Variants in MRAS observed in about 807,000 individuals in gnomAD.
The protein encoded by MRAS is muscle RAS oncogene homolog.
A neutral mutation model predicts 20.9 loss-of-function variants in MRAS; 4 were observed. The observed-to-expected ratio is 0.19, with a 90% CI of 0.09 to 0.44. The LOEUF is 0.44. Ranked by LOEUF, MRAS falls within the 20% of genes least tolerant of loss-of-function variation. MRAS has a pLI of 0.99. For synonymous variants in MRAS, 98 were observed against 102.9 expected (o/e 0.95, Z 0.29); for missense variants, 154 against 277.5 (o/e 0.56, Z 3.16).
chr3:138,351,932 T>C (rs982354433), intron 1 of MRAS, among the ~76,000 whole-genome samples: 2 of 152,218 alleles, frequency 1.3e-5, no homozygotes, highest in South Asian at 4.1e-4. Context: ...AGTTTAGCCA[T>C]CTCTGATCTA....
chr3:138,360,929 A>G (rs1011001820), intron 1 of MRAS, among the ~76,000 whole-genome samples: 18 of 152,214 alleles, frequency 1.2e-4, no homozygotes, highest in African/African-American at 3.9e-4. Flanking sequence ...GAAGAGGGGC[A>G]TGCCGAGCTT....
chr3:138,348,936 C>G, intron 1 of MRAS, 169 bp downstream of exon 1: 1 of 152,142 alleles, frequency 6.6e-6, no homozygotes, highest in Non-Finnish European at 1.5e-5. Context: ...TTGCCCCCAT[C>G]GCGGGCTCCC....
At chr3:138,386,754 ATTACAGG>A (rs1175498670) in intron 2 of MRAS, among the ~76,000 whole-genome samples, 1 of 152,190 alleles carries the variant, frequency 6.6e-6, no homozygotes, top group African/African-American at 2.4e-5. Context: ...AAGTGCTGGG[ATTACAGG>A]CGTGAGCCAC....
rs554513790 is a variant in MRAS, at chr3:138,396,827, C to A, written c.194-497C>A. On this transcript the variant is annotated intron_variant, in intron 2 of 5. Transcript: ENST00000423968. ...AGATGGCCTCTTCAGGGCTTCCCCC[C>A]AGGCATGTCCACAAATAAGCTCTTC... 9.9e-5 allele frequency among the ~76,000 whole-genome samples: 15 copies of A among 152,214 alleles called. No individual in the cohort carries two copies. The South Asian group carries it at 1.7e-3, about 17-fold the overall frequency.
In MRAS at chr3:138,353,206, T is replaced by G. The variant is rs553399847; in HGVS notation, c.-19+4439T>G. The stretch of plus-strand genomic sequence containing the variant: ...TACAGGCATCAGAACAAACTGGGAG[T>G]TTTTTAATGGATATTTTGCCCAGAT... On this transcript the variant is annotated intron_variant, in intron 1 of 5. Coordinates refer to ENST00000423968, the MANE Select transcript of MRAS (RefSeq NM_001085049.3). Among the ~76,000 whole-genome samples the G allele has an allele frequency of 7.9e-5, 12 of 151,676 alleles. No homozygotes were observed. The East Asian group carries it at 2.3e-3, about 29-fold the overall frequency.
intron 2 of MRAS, among the ~76,000 whole-genome samples, chr3:138,382,991 C>A (rs887396179): frequency 2.0e-5 from 3 of 152,336 alleles, no homozygotes; most frequent in African/African-American, 7.2e-5. Context: ...GTGCTCCCCA[C>A]ACCCTGGCTC....
intron 1 of MRAS, among the ~76,000 whole-genome samples, chr3:138,370,981 C>A (rs545668021): frequency 6.6e-6 from 1 of 152,064 alleles, no homozygotes; most frequent in African/African-American, 2.4e-5. Context: ...TAAATGACTG[C>A]ATAGTACTCC....
chr3:138,368,642 C>G (rs879631338), intron 1 of MRAS, among the ~76,000 whole-genome samples: 3 of 152,262 alleles, frequency 2.0e-5, no homozygotes, highest in Admixed American at 6.5e-5. Flanking sequence ...ACCTAACATC[C>G]TAGAATGATC....
chr3:138,386,790 A>G (rs1434974379), intron 2 of MRAS, among the ~76,000 whole-genome samples: 2 of 152,132 alleles, frequency 1.3e-5, no homozygotes, highest in Non-Finnish European at 2.9e-5. Flanking sequence ...GCCATATACT[A>G]CATTTTGTTT....
chr3:138,380,235 T>C (rs889403989), intron 2 of MRAS, among the ~76,000 whole-genome samples: 2 of 152,210 alleles, frequency 1.3e-5, no homozygotes, highest in Admixed American at 1.3e-4. Context: ...TCTTATATAT[T>C]CAGGTTATTA....
chr3:138,376,845 G>T (rs371424342), intron 2 of MRAS, among the ~76,000 whole-genome samples: 1 of 152,136 alleles, frequency 6.6e-6, no homozygotes, highest in African/African-American at 2.4e-5. Context: ...TTTTTTGCAC[G>T]TGATTCTGAA....
At chr3:138,373,299 G>A (rs1053418614) in intron 2 of MRAS, among the ~76,000 whole-genome samples, 1 of 152,210 alleles carries the variant, frequency 6.6e-6, no homozygotes, top group Non-Finnish European at 1.5e-5. Flanking sequence ...TCAGCAAAGA[G>A]GGGAGGCTAG....
intron 2 of MRAS, among the ~76,000 whole-genome samples, chr3:138,387,252 C>T (rs2055036117): frequency 1.3e-5 from 2 of 152,234 alleles, no homozygotes; most frequent in Non-Finnish European, 2.9e-5. Context: ...GTTTTCTCTT[C>T]CCTGCCACCC....
At position 138,357,175 on chromosome 3, in the gene MRAS, G is replaced by A. The variant is rs3773757; in HGVS notation, c.-19+8408G>A. On this transcript the variant is annotated intron_variant, in intron 1 of 5. Transcript: ENST00000423968. ...GTTGGGGTGGGTAAATAGGAAAGAC[G>A]GCAGGGCTGGGAGAGCCCCTTTGTG... Among the ~76,000 whole-genome samples the A allele has an allele frequency of 0.012, 1,893 of 152,308 alleles. 129 individuals carry two copies. The East Asian group carries it at 0.2, about 16-fold the overall frequency.
chr3:138,395,557 GCTCC>G (rs2055219072), intron 2 of MRAS, among the ~76,000 whole-genome samples: 1 of 152,018 alleles, frequency 6.6e-6, no homozygotes, highest in Non-Finnish European at 1.5e-5. Context: ...AGGCCACGTG[GCTCC>G]CTCCGGCCCC....
At chr3:138,369,680 C>T (rs911356864) in intron 1 of MRAS, among the ~76,000 whole-genome samples, 29 of 152,138 alleles carry the variant, frequency 1.9e-4, no homozygotes, top group Admixed American at 1.9e-3. Flanking sequence ...AAGGAAACCC[C>T]AAGTGGGAAG....
chr3:138,401,426 C>A (rs1186958265), intron 5 of MRAS, among the ~76,000 whole-genome samples: 1 of 152,140 alleles, frequency 6.6e-6, no homozygotes, highest in Non-Finnish European at 1.5e-5. Context: ...TATTCCCCAG[C>A]GTAATGAGGA....
In MRAS at chr3:138,367,849, A is replaced by G. The variant is rs185920144; in HGVS notation, c.-18-5017A>G. Among the ~76,000 whole-genome samples the G allele has an allele frequency of 4.8e-3, 737 of 152,380 alleles. 3 individuals carry two copies. The highest frequency in any genetic ancestry group is 0.017 in the Middle Eastern group (5 of 294). Reference sequence around the variant, plus strand: ...ATGCAAGAAGGTTCTACCTATGGGGAAAGAAAGGGAGCAAGAGGCAGACAA... The same window carrying G: ...ATGCAAGAAGGTTCTACCTATGGGGGAAGAAAGGGAGCAAGAGGCAGACAA... On this transcript the variant is annotated intron_variant, in intron 1 of 5. Transcript: ENST00000423968.
Position 138,398,581 on chromosome 3 carries a change from G to A in MRAS, c.447+13G>A, listed in dbSNP as rs751178447. 3.7e-6 allele frequency: 6 copies of A among 1,612,226 alleles called. No individual in the cohort carries two copies. In the East Asian group the frequency reaches 6.7e-5, roughly 18 times the overall value. On this transcript the variant is annotated intron_variant, in intron 4 of 5. Coordinates refer to ENST00000423968, the MANE Select transcript of MRAS (RefSeq NM_001085049.3). ...GACCAAACACAATGTAGGTGTGTGC[G>A]TGTGTGTAGAGGGGGTCAGGAGATG... is the stretch of plus-strand genomic sequence containing the variant.
Sources: allele counts gnomAD v4.1 joint callset (sites outside exome capture counted in the v4.1 genomes callset), GRCh38; gene constraint gnomAD v4.1.1; transcripts MANE v1.5; gene names NCBI Gene and HGNC (gene_info 2026-07-23, HGNC 2026-07-21).